Variants in ARHGAP12 observed in about 807,000 individuals in gnomAD.
The protein encoded by ARHGAP12 is rho GTPase-activating protein 12.
In ARHGAP12, 64 loss-of-function variants were observed where a neutral mutation model predicts 108.6. That is an observed-to-expected ratio of 0.59 (90% CI 0.48 to 0.73). The LOEUF (loss-of-function observed/expected upper bound fraction) is 0.73. Among genes scored for constraint, ARHGAP12 ranks in the 30% least tolerant of loss-of-function variants. The pLI, the probability that ARHGAP12 is intolerant of heterozygous loss-of-function variation, is 0.00. For missense variants in ARHGAP12, 940 were observed against 1,005.9 expected (o/e 0.93, Z 0.89); for synonymous variants, 312 against 337.2 (o/e 0.93, Z 0.82).
chr10:31,894,278 T>C (rs959182274), intron 3 of ARHGAP12, among the ~76,000 whole-genome samples: 1 of 152,032 alleles, frequency 6.6e-6, no homozygotes, highest in African/African-American at 2.4e-5. Context: ...AAATAAAGGG[T>C]ATTCAATTAG....
intron 2 of ARHGAP12, among the ~76,000 whole-genome samples, chr10:31,909,722 C>A (rs1314564068): frequency 1.3e-5 from 2 of 152,026 alleles, no homozygotes; most frequent in Admixed American, 6.6e-5. Flanking sequence ...ATGGCAAAAC[C>A]CTGCCTCTAC....
chr10:31,842,925 G>A (rs1836323310), intron 7 of ARHGAP12, among the ~76,000 whole-genome samples: 2 of 152,072 alleles, frequency 1.3e-5, no homozygotes, highest in Non-Finnish European at 2.9e-5. Context: ...TTTTGAAACA[G>A]AGGACATTAC....
In ARHGAP12 at chr10:31,806,003, C is replaced by T. The variant is rs1460978175; in HGVS notation, c.*1655G>A. The T allele has an allele frequency of 6.6e-6, 1 of 151,864 alleles. No homozygotes were observed. The highest frequency in any genetic ancestry group is 1.5e-5 in the Non-Finnish European group (1 of 67,964). The allele number at this position is 151,864 out of a possible 1,614,324, so 9.4% of individuals were successfully genotyped here. A position where few individuals can be genotyped will look rare whatever the true frequency, so the allele number is the denominator to read the frequency against. On this transcript the variant is annotated 3_prime_UTR_variant, in exon 20 of 20. Coordinates refer to ENST00000344936, the MANE Select transcript of ARHGAP12 (RefSeq NM_018287.7). ...TCAGGTGAGAGGTTTTTAGACAGATCATACAAAAAAATACTTGTTCCCAAG... is the reference window on the plus strand; with the variant it reads ...TCAGGTGAGAGGTTTTTAGACAGATTATACAAAAAAATACTTGTTCCCAAG...
In ARHGAP12 at chr10:31,816,475, T is replaced by C. The variant is rs146821429; in HGVS notation, c.1731+1313A>G. Among the ~76,000 whole-genome samples, 708 of 152,330 alleles carry C rather than the reference T, an allele frequency of 4.6e-3. 20 individuals carry two copies. Among genetic ancestry groups the C allele is most frequent in the Admixed American group, 0.039 (591 of 15,300 alleles). On this transcript the variant is annotated intron_variant, in intron 13 of 19. Transcript: ENST00000344936. The stretch of plus-strand genomic sequence containing the variant: ...AGTCTAGGAAAGTGCAGTATCTGAC[T>C]GTGTGCTGCTATGTCCCCAATGCAT...
chr10:31,811,585 C>T (rs1835020900), intron 15 of ARHGAP12, among the ~76,000 whole-genome samples: 1 of 148,708 alleles, frequency 6.7e-6, no homozygotes, highest in African/African-American at 2.5e-5. Context: ...CTGAACTCAT[C>T]ATACAAATTC....
intron 3 of ARHGAP12, among the ~76,000 whole-genome samples, chr10:31,877,651 T>A (rs1400104960): frequency 3.3e-5 from 5 of 152,368 alleles, no homozygotes; most frequent in African/African-American, 1.2e-4. Context: ...CAAGGTTTGA[T>A]CCCATTGTGT....
chr10:31,893,331 A>G (rs1275604623), intron 3 of ARHGAP12, among the ~76,000 whole-genome samples: 1 of 152,188 alleles, frequency 6.6e-6, no homozygotes, highest in Admixed American at 6.5e-5. Flanking sequence ...AAAATCAACA[A>G]AATTGATAGA....
chr10:31,816,170 T>TAC (rs1835196228), intron 13 of ARHGAP12, among the ~76,000 whole-genome samples: 1 of 102,100 alleles, frequency 9.8e-6, no homozygotes, highest in Non-Finnish European at 2.2e-5. Flanking sequence ...GAAAGAAACG[T>TAC]GTGTGTGTGT....
chr10:31,928,485 C>G (rs991311736), intron 1 of ARHGAP12, among the ~76,000 whole-genome samples, 198 bp downstream of exon 1: 1 of 151,126 alleles, frequency 6.6e-6, no homozygotes, highest in Admixed American at 6.6e-5. Flanking sequence ...AACCCCCGCG[C>G]CCAGAGCCCC....
chr10:31,809,181 A>G, intron 17 of ARHGAP12, 49 bp downstream of exon 17: 1 of 1,613,218 alleles, frequency 6.2e-7, no homozygotes. Context: ...AGCCAGTTCA[A>G]AAAGTTATGA....
intron 3 of ARHGAP12, among the ~76,000 whole-genome samples, chr10:31,863,158 T>G (rs1272934541): frequency 6.6e-6 from 1 of 152,208 alleles, no homozygotes; most frequent in Non-Finnish European, 1.5e-5. Flanking sequence ...TCGACTATTT[T>G]CCTTAAAACG....
intron 16 of ARHGAP12, 193 bp from the exon 17 acceptor site, chr10:31,809,500 T>C (rs1834938211): frequency 1.8e-6 from 1 of 558,012 alleles, no homozygotes; most frequent in African/African-American, 1.9e-5. Flanking sequence ...CTCTGAATTC[T>C]GTTTAATAAA....
At chr10:31,877,322 T>G (rs1837768675) in intron 3 of ARHGAP12, among the ~76,000 whole-genome samples, 2 of 152,236 alleles carry the variant, frequency 1.3e-5, no homozygotes, top group African/African-American at 4.8e-5. Context: ...ACATAAAAAC[T>G]ACCTATGTAT....
chr10:31,903,497 G>C (rs1307680421), intron 3 of ARHGAP12, among the ~76,000 whole-genome samples: 3 of 152,086 alleles, frequency 2.0e-5, no homozygotes, highest in Non-Finnish European at 4.4e-5. Context: ...TGATATAAAG[G>C]CATGATCTAT....
intron 3 of ARHGAP12, among the ~76,000 whole-genome samples, chr10:31,898,259 G>A (rs1002744025): frequency 2.0e-5 from 3 of 152,096 alleles, no homozygotes; most frequent in Non-Finnish European, 4.4e-5. Flanking sequence ...CCAAGAATTT[G>A]AATAAATATG....
rs1433748120 is a variant in ARHGAP12, at chr10:31,845,798, AAG to A, written c.1171-2214_1171-2213del. Among the ~76,000 whole-genome samples, 4 of 152,282 alleles carry A rather than the reference AAG, an allele frequency of 2.6e-5. No homozygotes were observed. The East Asian group carries it at 5.8e-4, about 22-fold the overall frequency. On this transcript the variant is annotated intron_variant, in intron 6 of 19. Coordinates refer to ENST00000344936, the MANE Select transcript of ARHGAP12 (RefSeq NM_018287.7). ...ATAGTCTGTCTCAAAAAAATAAAGAAAGAAAGAATAGTGATTTCCTTACAGAA... is the reference window on the plus strand; with the variant it reads ...ATAGTCTGTCTCAAAAAAATAAAGAAAAAGAATAGTGATTTCCTTACAGAA...
At chr10:31,918,810 G>A (rs1839671062) in intron 1 of ARHGAP12, among the ~76,000 whole-genome samples, 1 of 152,214 alleles carries the variant, frequency 6.6e-6, no homozygotes, top group Non-Finnish European at 1.5e-5. Flanking sequence ...ACAGCCACTA[G>A]GGAAAATGGT....
At chr10:31,881,760 C>A (rs899741216) in intron 3 of ARHGAP12, among the ~76,000 whole-genome samples, 2 of 152,116 alleles carry the variant, frequency 1.3e-5, no homozygotes, top group African/African-American at 4.8e-5. Context: ...TATTAGTAAT[C>A]ATTTCTTAGA....
chr10:31,827,416 AG>A (rs1835656511), intron 10 of ARHGAP12, among the ~76,000 whole-genome samples: 1 of 152,208 alleles, frequency 6.6e-6, no homozygotes, highest in Non-Finnish European at 1.5e-5. Context: ...CACAGTTGCT[AG>A]GAAGATAAAT....
Sources: allele counts gnomAD v4.1 joint callset (sites outside exome capture counted in the v4.1 genomes callset), GRCh38; gene constraint gnomAD v4.1.1; transcripts MANE v1.5; gene names NCBI Gene and HGNC (gene_info 2026-07-23, HGNC 2026-07-21).